Variants in SMIM35 observed in about 807,000 individuals in gnomAD.
SMIM35 encodes small integral membrane protein 35.
chr11:118,067,968 A>AT lies in SMIM35; in HGVS notation c.7+18782dup, dbSNP rs545180189. ...AATACACAGAAATAGAAGTTTCTCTATTTTTTCGCTATCCCAATGGTTTGT... is the reference window on the plus strand; with the variant it reads ...AATACACAGAAATAGAAGTTTCTCTATTTTTTTCGCTATCCCAATGGTTTGT... On this transcript the variant is annotated intron_variant, in intron 1 of 4. Transcript: ENST00000689828. 1.6e-3 allele frequency among the ~76,000 whole-genome samples: 237 copies of AT among 144,428 alleles called. 2 individuals are homozygous for AT. The highest frequency in any genetic ancestry group is 2.3e-3 in the Non-Finnish European group (152 of 66,310). 94.8% of individuals were successfully genotyped at this position (144,428 alleles called of 152,430 possible).
At chr11:118,039,100 G>A (rs1210637107) in intron 1 of SMIM35, among the ~76,000 whole-genome samples, 1 of 152,162 alleles carries the variant, frequency 6.6e-6, no homozygotes, top group Non-Finnish European at 1.5e-5. Context: ...ATAACGTCAT[G>A]ACCAAATGTG....
At chr11:118,016,592 CCAAGAGGCCAGGAGGTG>C (rs1411236288) in intron 1 of SMIM35, among the ~76,000 whole-genome samples, 5 of 152,232 alleles carry the variant, frequency 3.3e-5, no homozygotes, top group Admixed American at 2.6e-4. Context: ...AGGGATACTG[CCAAGAGGCCAGGAGGTG>C]CAGTGGTTGA....
At chr11:118,046,159 G>T (rs1348885302) in intron 1 of SMIM35, among the ~76,000 whole-genome samples, 1 of 151,184 alleles carries the variant, frequency 6.6e-6, no homozygotes, top group Non-Finnish European at 1.5e-5. Flanking sequence ...GACCAGTTAG[G>T]CACCAAGTAC....
intron 4 of SMIM35, among the ~76,000 whole-genome samples, chr11:118,012,148 C>A (rs1432658273): frequency 6.6e-6 from 1 of 152,236 alleles, no homozygotes; most frequent in Non-Finnish European, 1.5e-5. Context: ...TGTTGCTGGG[C>A]TGCTAGCAGA....
intron 1 of SMIM35, among the ~76,000 whole-genome samples, chr11:118,042,900 A>G (rs967879063): frequency 2.6e-5 from 4 of 152,390 alleles, no homozygotes; most frequent in African/African-American, 9.6e-5. Flanking sequence ...TTTTTAAATC[A>G]CATGATGATC....
chr11:118,083,645 T>A (rs1370411296), intron 1 of SMIM35, among the ~76,000 whole-genome samples: 1 of 152,182 alleles, frequency 6.6e-6, no homozygotes, highest in Non-Finnish European at 1.5e-5. Flanking sequence ...TAGAATATAC[T>A]CCATGGGCAA....
At chr11:118,014,855 G>A (rs2058170869) in intron 2 of SMIM35, 114 bp from the exon 3 acceptor site, 1 of 397,112 alleles carries the variant, frequency 2.5e-6, no homozygotes, top group Admixed American at 4.4e-5. Context: ...GGGTGGCTGG[G>A]CTGGACCTCA....
intron 1 of SMIM35, chr11:118,077,189 G>A (rs1234038012): frequency 1.4e-6 from 2 of 1,400,996 alleles, no homozygotes; most frequent in South Asian, 1.3e-5. Context: ...GTGCTGACCA[G>A]GGACTTCTGA....
intron 1 of SMIM35, among the ~76,000 whole-genome samples, chr11:118,053,970 T>A (rs994205215): frequency 1.1e-4 from 16 of 152,180 alleles, no homozygotes; most frequent in African/African-American, 3.9e-4. Flanking sequence ...AAAATCACAA[T>A]CACAGGATCG....
At chr11:118,084,768 A>G (rs1371625818) in intron 1 of SMIM35, among the ~76,000 whole-genome samples, 1 of 152,100 alleles carries the variant, frequency 6.6e-6, no homozygotes, top group Non-Finnish European at 1.5e-5. Context: ...CTCACCAACA[A>G]CCCTGTGAAT....
intron 4 of SMIM35, among the ~76,000 whole-genome samples, chr11:118,009,217 C>A (rs1386948675): frequency 6.6e-6 from 1 of 152,024 alleles, no homozygotes; most frequent in African/African-American, 2.4e-5. Context: ...CACAAGGAGA[C>A]CCCAAAAAGA....
intron 1 of SMIM35, among the ~76,000 whole-genome samples, chr11:118,037,681 C>CAGGG (rs758540127): frequency 1.5e-4 from 23 of 152,118 alleles, no homozygotes; most frequent in Non-Finnish European, 2.9e-4. Flanking sequence ...GCAAGGTGAC[C>CAGGG]AGGGAGTCGG....
chr11:118,067,662 C>T (rs61900594), intron 1 of SMIM35: 34,572 of 150,858 alleles, frequency 0.23, 4,807 homozygotes, highest in Non-Finnish European at 0.31. Context: ...GGTGAAACCC[C>T]GTCTCTACTA....
chr11:118,034,864 A>T lies in SMIM35; in HGVS notation c.8-19055T>A, dbSNP rs532730287. ...CCAGCCCAGGATGGAACTCTCAGGG[A>T]AGCTCCCCTTGGAATATGTGTCCAT... On this transcript the variant is annotated intron_variant, in intron 1 of 4. Transcript: ENST00000689828. 1.2e-4 allele frequency among the ~76,000 whole-genome samples: 18 copies of T among 152,336 alleles called. No homozygotes were observed. The East Asian group carries it at 3.5e-3, about 29-fold the overall frequency.
intron 1 of SMIM35, among the ~76,000 whole-genome samples, chr11:118,066,106 G>T (rs2135130788): frequency 6.6e-6 from 1 of 152,184 alleles, no homozygotes; most frequent in East Asian, 1.9e-4. Flanking sequence ...GCTCTCCCTG[G>T]CACCTCTGAC....
rs142748554 is a variant in SMIM35, at chr11:118,018,348, C to T, written c.8-2539G>A. Among the ~76,000 whole-genome samples the T allele has an allele frequency of 6.6e-4, 100 of 152,110 alleles. 1 individual carries two copies. The East Asian group carries it at 7.7e-3, about 12-fold the overall frequency. On this transcript the variant is annotated intron_variant, in intron 1 of 4. Transcript: ENST00000689828. ...GGCTGGCTACTGTGTTAAGAATTGA[C>T]GAAGTAGGGAATGATGCTGGAGAAG...
At chr11:118,031,217 C>T (rs184825627) in intron 1 of SMIM35, among the ~76,000 whole-genome samples, 36 of 152,178 alleles carry the variant, frequency 2.4e-4, no homozygotes, top group East Asian at 1.5e-3. Flanking sequence ...GATATAGAAA[C>T]GGACATAGAC....
rs1703538801 is a variant in SMIM35, at chr11:118,004,650, ACGC to A, written c.*1757_*1759del. Reference sequence around the variant, plus strand: ...CATAGCCCTTAGTGTGAAGGTAAGGACGCCGGCTTGGAGAAGATCCCCAAACCC... The same window carrying A: ...CATAGCCCTTAGTGTGAAGGTAAGGACGGCTTGGAGAAGATCCCCAAACCC... On this transcript the variant is annotated 3_prime_UTR_variant, in exon 5 of 5. Transcript: ENST00000689828. The A allele has an allele frequency of 6.6e-6, 1 of 152,178 alleles. No individual in the cohort carries two copies. Among genetic ancestry groups the A allele is most frequent in the East Asian group, 1.9e-4 (1 of 5,184 alleles). 9.4% of individuals were successfully genotyped at this position (152,178 alleles called of 1,614,324 possible).
chr11:118,034,548 C>A (rs963457463), intron 1 of SMIM35, among the ~76,000 whole-genome samples: 5 of 152,120 alleles, frequency 3.3e-5, no homozygotes, highest in African/African-American at 2.4e-5. Context: ...CATGGCAAGA[C>A]CCCCATCTCT....
Sources: gnomAD v4.1 joint callset for allele counts (sites outside exome capture counted in the v4.1 genomes callset) on GRCh38, gnomAD v4.1.1 for gene constraint, MANE v1.5 for transcripts, NCBI Gene and HGNC (gene_info 2026-07-23, HGNC 2026-07-21) for gene names.